Variants in BORCS7 observed in about 807,000 individuals in gnomAD.
BORCS7 encodes BLOC-1-related complex subunit 7.
In BORCS7, 20 loss-of-function variants were observed where a neutral mutation model predicts 17.5. The observed-to-expected ratio is 1.14, with a 90% CI of 0.80 to 1.66. The LOEUF (loss-of-function observed/expected upper bound fraction) is 1.66. Ranked by LOEUF, BORCS7 falls within the 40% of genes most tolerant of loss-of-function variation. The pLI is 0.00. For missense variants in BORCS7, 122 were observed against 129.7 expected (o/e 0.94, Z 0.29); for synonymous variants, 57 against 49.8 (o/e 1.14, Z -0.61).
rs1384930759 is a variant in BORCS7 at position 102,854,438 on chromosome 10, A to G, written c.141+11A>G. ...TCCCGGAGCTCCGAGGTGAGCTGGA[A>G]GTGGACTCTCCCGGCCTGATAGTCC... is the stretch of plus-strand genomic sequence containing the variant. On this transcript the variant is annotated intron_variant, in intron 1 of 4. Coordinates refer to ENST00000339834, the MANE Select transcript of BORCS7 (RefSeq NM_001136200.2). 1.3e-6 allele frequency: 2 copies of G among 1,532,498 alleles called. No individual in the cohort carries two copies. Among genetic ancestry groups the G allele is most frequent in the South Asian group, 2.4e-5 (2 of 83,732 alleles). 94.9% of individuals were successfully genotyped at this position (1,532,498 alleles called of 1,614,324 possible). A position where few individuals can be genotyped will look rare whatever the true frequency, so the allele number is the denominator to read the frequency against.
rs1844535233 is a variant in BORCS7, at chr10:102,862,308, G to C, written c.269+128G>C. ...GCCCTCAAATTGAAATATGCTCTGG[G>C]ATACTCACTTGGGATTTAAAGATAC... On this transcript the variant is annotated intron_variant, in intron 4 of 4. Transcript: ENST00000339834. 5 of 840,950 alleles carry C rather than the reference G, an allele frequency of 5.9e-6. No homozygotes were observed. The East Asian group carries it at 1.3e-4, about 22-fold the overall frequency. The allele number at this position is 840,950 out of a possible 1,614,324, so 52.1% of individuals were successfully genotyped here.
intron 1 of BORCS7, among the ~76,000 whole-genome samples, chr10:102,857,639 AG>A (rs1299422472): frequency 3.3e-5 from 5 of 152,208 alleles, no homozygotes; most frequent in African/African-American, 1.2e-4. Flanking sequence ...CTATGAGATA[AG>A]ATCCAAGATT....
At chr10:102,856,009 C>T (rs555213191) in intron 1 of BORCS7, among the ~76,000 whole-genome samples, 5 of 152,134 alleles carry the variant, frequency 3.3e-5, no homozygotes, top group Admixed American at 2.0e-4. Flanking sequence ...TGATCCTTCC[C>T]GCTTTGGCCC....
intron 1 of BORCS7, among the ~76,000 whole-genome samples, chr10:102,855,208 G>A (rs1844407733): frequency 6.7e-6 from 1 of 148,778 alleles, no homozygotes; most frequent in African/African-American, 2.5e-5. Flanking sequence ...CGCCAGGCTG[G>A]AGTGTAGTGG....
At chr10:102,859,498 A>C (rs1208911765) in intron 1 of BORCS7, among the ~76,000 whole-genome samples, 1 of 148,016 alleles carries the variant, frequency 6.8e-6, no homozygotes, top group Non-Finnish European at 1.5e-5. Context: ...GTGGTTCCCC[A>C]TTTTAAGCCC....
At chr10:102,858,280 T>C (rs963923754) in intron 1 of BORCS7, among the ~76,000 whole-genome samples, 3 of 151,166 alleles carry the variant, frequency 2.0e-5, no homozygotes, top group Admixed American at 6.6e-5. Flanking sequence ...AGGAAAGTGG[T>C]ATGGAGGAAA....
Position 102,854,304 on chromosome 10 carries a change from G to A in BORCS7, c.18G>A (p.Thr6=), listed in dbSNP as rs756062269. The change falls in exon 1 of 5, where the codon ACG becomes ACA. Residue 6 remains threonine (T), a synonymous_variant. Transcript: ENST00000339834. ...TAACTGAAATGATGGCGACTGGAACGCCAGAGTCTCAAGCGCGGTTCGGTC... is the reference window on the plus strand; with the variant it reads ...TAACTGAAATGATGGCGACTGGAACACCAGAGTCTCAAGCGCGGTTCGGTC... MMATG[T]PESQARFGQS... 3.1e-6 allele frequency: 5 copies of A among 1,605,346 alleles called. No individual in the cohort carries two copies. The highest frequency in any genetic ancestry group is 1.7e-5 in the Admixed American group (1 of 58,752).
At chr10:102,862,213 C>A (rs748841116) in intron 4 of BORCS7, 33 bp downstream of exon 4, 1 of 1,592,928 alleles carries the variant, frequency 6.3e-7, no homozygotes, top group Admixed American at 1.7e-5. Flanking sequence ...GAGTAGGGAA[C>A]CAACTGAAGC....
chr10:102,861,419 GAA>G (rs745985677), intron 3 of BORCS7, among the ~76,000 whole-genome samples: 2 of 101,930 alleles, frequency 2.0e-5, no homozygotes. Context: ...TCTGCCTCCA[GAA>G]AAAAAAAAAA....
rs1219088487 is a variant in BORCS7 at position 102,860,496 on chromosome 10, A to G, written c.205-2A>G. ...CTATTTCTCTCTCTCTTTTTTATGC[A>G]GAGTTTAAGGAAGATGGCAATAATA... On this transcript the variant is annotated splice_acceptor_variant, in intron 2 of 4. Transcript: ENST00000339834. LOFTEE classifies it high-confidence loss of function. 1 of 1,613,092 alleles carries G rather than the reference A, an allele frequency of 6.2e-7. No individual in the cohort carries two copies. The highest frequency in any genetic ancestry group is 1.1e-5 in the South Asian group (1 of 91,056).
chr10:102,858,163 TCA>T (rs1844457466), intron 1 of BORCS7, among the ~76,000 whole-genome samples: 2 of 60,398 alleles, frequency 3.3e-5, no homozygotes, highest in African/African-American at 5.5e-5. Context: ...AGACCATGTC[TCA>T]AAAAAAAAAA....
rs574112760 is a variant in BORCS7, at chr10:102,861,747, G to GCAAA, written c.249-404_249-401dup. ...AAAAAACAAAAAAACAAAAACAAAA[G>GCAAA]CAAACAAACAAAATATATATATATG... On this transcript the variant is annotated intron_variant, in intron 3 of 4. Coordinates refer to ENST00000339834, the MANE Select transcript of BORCS7 (RefSeq NM_001136200.2). Among the ~76,000 whole-genome samples, 249 of 151,016 alleles carry GCAAA rather than the reference G, an allele frequency of 1.6e-3. 1 individual carries two copies. The highest frequency in any genetic ancestry group is 5.7e-3 in the African/African-American group (232 of 40,760).
chr10:102,855,614 A>T (rs998464770), intron 1 of BORCS7, among the ~76,000 whole-genome samples: 3 of 152,224 alleles, frequency 2.0e-5, no homozygotes, highest in African/African-American at 7.2e-5. Flanking sequence ...AACAAAACTA[A>T]ATCCCTCTAC....
At chr10:102,854,634 C>A in intron 1 of BORCS7, 1 of 482,130 alleles carries the variant, frequency 2.1e-6, no homozygotes, top group Non-Finnish European at 3.4e-6. Flanking sequence ...GGGGAAGAAG[C>A]GATGCCATGG....
At chr10:102,854,550 G>A in intron 1 of BORCS7, 123 bp downstream of exon 1, 1 of 1,230,800 alleles carries the variant, frequency 8.1e-7, no homozygotes, top group Non-Finnish European at 1.1e-6. Context: ...CTATGAGTAG[G>A]TCTTCTTCGC....
At chr10:102,862,076 C>T in intron 3 of BORCS7, 84 bp from the exon 4 acceptor site, 1 of 1,315,134 alleles carries the variant, frequency 7.6e-7, no homozygotes, top group East Asian at 2.3e-5. Context: ...GCTGAAATTT[C>T]TTCTGCCTAT....
chr10:102,855,273 C>T (rs1403306479), intron 1 of BORCS7, among the ~76,000 whole-genome samples: 2 of 151,564 alleles, frequency 1.3e-5, no homozygotes, highest in African/African-American at 4.9e-5. Flanking sequence ...ATTCTCCCGC[C>T]TCAGCCTCCT....
At chr10:102,861,671 C>G (rs1471143603) in intron 3 of BORCS7, among the ~76,000 whole-genome samples, 1 of 151,678 alleles carries the variant, frequency 6.6e-6, no homozygotes, top group Non-Finnish European at 1.5e-5. Context: ...GAGCTGAGAT[C>G]GGGCACCACT....
At position 102,863,715 on chromosome 10, in the gene BORCS7, C is replaced by T. The variant is rs1198949551; in HGVS notation, c.*791C>T. ...GGTGATAAGTAATACCTGATTGTTTCCTTTTCTGTTCTAGTAACTCAGAGG... is the reference window on the plus strand; with the variant it reads ...GGTGATAAGTAATACCTGATTGTTTTCTTTTCTGTTCTAGTAACTCAGAGG... On this transcript the variant is annotated 3_prime_UTR_variant, in exon 5 of 5. Transcript: ENST00000339834. The T allele has an allele frequency of 6.6e-6, 1 of 151,984 alleles. No homozygotes were observed. Among genetic ancestry groups the T allele is most frequent in the Non-Finnish European group, 1.5e-5 (1 of 68,006 alleles). The allele number at this position is 151,984 out of a possible 1,614,324, so 9.4% of individuals were successfully genotyped here. A position where few individuals can be genotyped will look rare whatever the true frequency, so the allele number is the denominator to read the frequency against.
Sources: gnomAD v4.1 joint callset for allele counts (sites outside exome capture counted in the v4.1 genomes callset) on GRCh38, gnomAD v4.1.1 for gene constraint, MANE v1.5 for transcripts, NCBI Gene and HGNC (gene_info 2026-07-23, HGNC 2026-07-21) for gene names.